Variants in DOCK2 observed in about 807,000 individuals in gnomAD.
The protein encoded by DOCK2 is dedicator of cytokinesis protein 2.
DOCK2 carries 87 observed loss-of-function variants against 248.9 expected under a neutral mutation model. The ratio of observed to expected loss-of-function variants is 0.35; its 90% confidence interval spans 0.29 to 0.42. The LOEUF is 0.42. DOCK2 is among the 10% of genes least tolerant of loss of function. The pLI, the probability that DOCK2 is intolerant of heterozygous loss-of-function variation, is 1.00. For synonymous variants in DOCK2, 805 were observed against 821.6 expected, an observed-to-expected ratio of 0.98 and a Z score of 0.35; for missense variants, 1,747 against 2,300.2, an observed-to-expected ratio of 0.76 and a Z score of 4.92.
chr5:169,763,415 A>T lies in DOCK2; in HGVS notation c.2554+1790A>T, dbSNP rs1370137838. Among the ~76,000 whole-genome samples, 3 of 152,238 alleles carry T rather than the reference A, an allele frequency of 2.0e-5. No homozygotes were observed. The highest frequency in any genetic ancestry group is 2.0e-4 in the Admixed American group (3 of 15,282). The stretch of plus-strand genomic sequence containing the variant: ...ATATGGTGTGGCACAGGCAGCAGGG[A>T]GTGGGCTGCTTGGCTCTTCTTCATT... On this transcript the variant is annotated intron_variant, in intron 25 of 51. Coordinates refer to ENST00000520908, the MANE Select transcript of DOCK2 (RefSeq NM_004946.3). This position sits in a 1 kb window ranked among gnomAD's most constrained non-coding sequence, Gnocchi z 4.1.
intron 27 of DOCK2, among the ~76,000 whole-genome samples, chr5:169,891,995 C>CAAAAAAAAAAAAAA (rs571918885): frequency 1.6e-5 from 1 of 64,226 alleles, no homozygotes; most frequent in African/African-American, 6.1e-5. Context: ...GATTCCGTCC[C>CAAAAAAAAAAAAAA]AAAAAAAAAA....
At chr5:169,960,643 C>T (rs893036984) in intron 27 of DOCK2, among the ~76,000 whole-genome samples, 3 of 152,220 alleles carry the variant, frequency 2.0e-5, no homozygotes, top group Non-Finnish European at 2.9e-5. Context: ...TCATTAGTCA[C>T]CTGTACTTGT....
chr5:169,751,716 C>T (rs548515325), intron 23 of DOCK2, among the ~76,000 whole-genome samples: 1 of 152,308 alleles, frequency 6.6e-6, no homozygotes, highest in African/African-American at 2.4e-5. Context: ...GTCGGCGTGG[C>T]AGCAGCTCAC....
chr5:169,744,663 C>T (rs1299738569), intron 22 of DOCK2, among the ~76,000 whole-genome samples: 1 of 152,128 alleles, frequency 6.6e-6, no homozygotes, highest in Non-Finnish European at 1.5e-5. Context: ...AGGACAGCCT[C>T]AGGGATCTCT....
At chr5:169,696,145 A>G (rs920851073) in intron 10 of DOCK2, among the ~76,000 whole-genome samples, 1 of 152,232 alleles carries the variant, frequency 6.6e-6, no homozygotes, top group Non-Finnish European at 1.5e-5. Flanking sequence ...ACAGTGAATC[A>G]TGGGCTCCTC....
intron 27 of DOCK2, among the ~76,000 whole-genome samples, chr5:169,920,026 T>C (rs1775084433): frequency 6.6e-6 from 1 of 152,244 alleles, no homozygotes; most frequent in African/African-American, 2.4e-5. Flanking sequence ...CCCAGCACTT[T>C]ACGTGAATTA....
intron 2 of DOCK2, among the ~76,000 whole-genome samples, chr5:169,659,623 A>G (rs1758331850): frequency 6.6e-6 from 1 of 152,242 alleles, no homozygotes; most frequent in Non-Finnish European, 1.5e-5. Flanking sequence ...TAAGGATAAT[A>G]TATTGTTATG....
chr5:169,883,634 C>A, intron 27 of DOCK2: 1 of 1,551,364 alleles, frequency 6.4e-7, no homozygotes, highest in Non-Finnish European at 8.7e-7. Flanking sequence ...AAGCCCCCTG[C>A]CTTCTGGGAC....
chr5:169,739,922 T>G (rs1763224434), intron 22 of DOCK2, among the ~76,000 whole-genome samples: 2 of 152,194 alleles, frequency 1.3e-5, no homozygotes, highest in South Asian at 4.1e-4. Context: ...AGATAGAGAG[T>G]GTGCATGCGT....
At chr5:169,746,795 G>T (rs1763639834) in intron 22 of DOCK2, among the ~76,000 whole-genome samples, 1 of 152,164 alleles carries the variant, frequency 6.6e-6, no homozygotes, top group South Asian at 2.1e-4. Flanking sequence ...AACCTCCCTG[G>T]TTGGATTAAT....
At chr5:169,881,687 AGATGAGG>A (rs2113502430) in intron 27 of DOCK2, among the ~76,000 whole-genome samples, 1 of 152,296 alleles carries the variant, frequency 6.6e-6, no homozygotes, top group Admixed American at 6.5e-5. Context: ...TCCTGTTGTG[AGATGAGG>A]GATTCTGCAG....
At chr5:170,035,499 C>A (rs1248670813) in intron 35 of DOCK2, among the ~76,000 whole-genome samples, 1 of 152,150 alleles carries the variant, frequency 6.6e-6, no homozygotes. Flanking sequence ...CTAATAACTC[C>A]ACCAGGCCCA....
intron 22 of DOCK2, among the ~76,000 whole-genome samples, chr5:169,746,435 G>A (rs1038896587): frequency 6.6e-6 from 1 of 152,134 alleles, no homozygotes; most frequent in Non-Finnish European, 1.5e-5. Flanking sequence ...CTTTATCTAG[G>A]AAAGCACCTT....
At chr5:170,021,316 C>T (rs9313484) in intron 33 of DOCK2, among the ~76,000 whole-genome samples, 5,363 of 152,272 alleles carry the variant, frequency 0.035, 186 homozygotes, top group African/African-American at 0.095. Context: ...AAAGGGCACA[C>T]GCCATGAGAC....
At chr5:170,081,249 C>T (rs1381322374) in intron 50 of DOCK2, 1 of 153,152 alleles carries the variant, frequency 6.5e-6, no homozygotes, top group African/African-American at 2.4e-5. Flanking sequence ...AGCCTGAACA[C>T]AGCTGCAACA....
intron 27 of DOCK2, among the ~76,000 whole-genome samples, chr5:169,894,284 A>G (rs918590835): frequency 6.6e-6 from 1 of 152,220 alleles, no homozygotes; most frequent in Non-Finnish European, 1.5e-5. Flanking sequence ...AAATTTCATT[A>G]GATCAGAGAG....
chr5:170,073,668 C>T (rs1757750439), intron 46 of DOCK2, among the ~76,000 whole-genome samples: 1 of 151,930 alleles, frequency 6.6e-6, no homozygotes, highest in Non-Finnish European at 1.5e-5. Context: ...TAGATCTGCT[C>T]TTTGGTATTT....
chr5:169,831,001 T>C (rs1357284795), intron 26 of DOCK2, among the ~76,000 whole-genome samples: 1 of 152,182 alleles, frequency 6.6e-6, no homozygotes, highest in Non-Finnish European at 1.5e-5. Flanking sequence ...CATGATTCTT[T>C]AGGATTGCAG....
chr5:169,743,647 G>A (rs1763449855), intron 22 of DOCK2, among the ~76,000 whole-genome samples: 1 of 152,000 alleles, frequency 6.6e-6, no homozygotes, highest in Non-Finnish European at 1.5e-5. Context: ...ATTAACTGAG[G>A]CCACACAGCA....
Sources: gnomAD v4.1 joint callset for allele counts (sites outside exome capture counted in the v4.1 genomes callset) on GRCh38, gnomAD v4.1.1 for gene constraint, Gnocchi (gnomAD v3.1) non-coding constraint, MANE v1.5 for transcripts, NCBI Gene and HGNC (gene_info 2026-07-23, HGNC 2026-07-21) for gene names.